UNC5C: variants seen among roughly 807,000 people sequenced by gnomAD.
UNC5C encodes netrin receptor UNC5C.
Under a neutral mutation model 99.8 loss-of-function variants are expected in UNC5C, and 47 were observed. The observed-to-expected ratio is 0.47, with a 90% CI of 0.37 to 0.60. UNC5C has a LOEUF of 0.60. UNC5C is among the 20% of genes least tolerant of loss of function. UNC5C has a pLI of 0.00. For synonymous variants in UNC5C, 487 were observed against 452.2 expected (o/e 1.08, Z -0.98); for missense variants, 1,062 against 1,165.9 (o/e 0.91, Z 1.30).
chr4:95,407,398 A>T (rs1745860684), intron 1 of UNC5C, among the ~76,000 whole-genome samples: 1 of 151,996 alleles, frequency 6.6e-6, no homozygotes, highest in Admixed American at 6.6e-5. Flanking sequence ...AGTAAAAGTG[A>T]GAGGGTAGAG....
At chr4:95,520,122 T>C (rs894165197) in intron 1 of UNC5C, among the ~76,000 whole-genome samples, 3 of 152,176 alleles carry the variant, frequency 2.0e-5, no homozygotes, top group African/African-American at 7.2e-5. Flanking sequence ...TTTCCCAAGG[T>C]CACAGAGCTT....
rs556592060 is a variant in UNC5C, at chr4:95,435,797, T to C, written c.125-100166A>G. 7.2e-5 allele frequency among the ~76,000 whole-genome samples: 11 copies of C among 152,210 alleles called. No homozygotes were observed. In the South Asian group the frequency reaches 2.3e-3, roughly 32 times the overall value. Reference sequence around the variant, plus strand: ...TCTTTCAAGGTGAAGTCCATATTTATTGTAGCGTTTATATTTCTTAACCAT... The same window carrying C: ...TCTTTCAAGGTGAAGTCCATATTTACTGTAGCGTTTATATTTCTTAACCAT... On this transcript the variant is annotated intron_variant, in intron 1 of 15. Coordinates refer to ENST00000453304, the MANE Select transcript of UNC5C (RefSeq NM_003728.4).
In UNC5C at chr4:95,427,612, A is replaced by C. The variant is rs974486423; in HGVS notation, c.125-91981T>G. Among the ~76,000 whole-genome samples, 7 of 152,200 alleles carry C rather than the reference A, an allele frequency of 4.6e-5. No individual in the cohort carries two copies. In the South Asian group the frequency reaches 8.3e-4, roughly 18 times the overall value. ...CTAAAGAACATCTTTCTAGCAATAA[A>C]GTTTTTTTAAAAAATTAAGGTATGT... On this transcript the variant is annotated intron_variant, in intron 1 of 15. Transcript: ENST00000453304.
chr4:95,304,184 G>A (rs1186904968), intron 2 of UNC5C, among the ~76,000 whole-genome samples: 4 of 152,152 alleles, frequency 2.6e-5, no homozygotes, highest in Non-Finnish European at 5.9e-5. Context: ...GGCGTGACAG[G>A]ATCCTAAGGG....
Position 95,325,145 on chromosome 4 carries a change from G to C in UNC5C, c.346+10265C>G, listed in dbSNP as rs1742839677. ...AAGGTGAAACTATGGGACAAAGCTAGAAAGTTTGATTAGGAGCCAATTATA... is the reference window on the plus strand; with the variant it reads ...AAGGTGAAACTATGGGACAAAGCTACAAAGTTTGATTAGGAGCCAATTATA... On this transcript the variant is annotated intron_variant, in intron 2 of 15. Coordinates refer to ENST00000453304, the MANE Select transcript of UNC5C (RefSeq NM_003728.4). Among the ~76,000 whole-genome samples the C allele has an allele frequency of 2.6e-5, 4 of 152,288 alleles. No individual in the cohort carries two copies. In the South Asian group the frequency reaches 6.2e-4, roughly 24 times the overall value.
chr4:95,258,746 CTTTTTTTTTT>C (rs775570031), intron 4 of UNC5C, among the ~76,000 whole-genome samples: 2 of 76,054 alleles, frequency 2.6e-5, no homozygotes, highest in African/African-American at 4.3e-5. Flanking sequence ...CCATCTTATT[CTTTTTTTTTT>C]TTTTTTTTTT....
At chr4:95,232,357 T>C (rs1164533090) in intron 7 of UNC5C, among the ~76,000 whole-genome samples, 1 of 151,918 alleles carries the variant, frequency 6.6e-6, no homozygotes, top group African/African-American at 2.4e-5. Context: ...AAATAAATTA[T>C]AAATCCAAAA....
At chr4:95,425,818 T>C (rs115851086) in intron 1 of UNC5C, among the ~76,000 whole-genome samples, 2,172 of 152,358 alleles carry the variant, frequency 0.014, 53 homozygotes, top group African/African-American at 0.05. Context: ...GTCAACATTA[T>C]ATTGTGCACA....
At chr4:95,471,893 TAAG>T (rs887165902) in intron 1 of UNC5C, among the ~76,000 whole-genome samples, 5 of 151,904 alleles carry the variant, frequency 3.3e-5, no homozygotes, top group Non-Finnish European at 1.5e-5. Flanking sequence ...AAACATAGAG[TAAG>T]ACCAGCTAGG....
At chr4:95,457,830 T>C (rs1747486893) in intron 1 of UNC5C, among the ~76,000 whole-genome samples, 1 of 152,134 alleles carries the variant, frequency 6.6e-6, no homozygotes, top group Non-Finnish European at 1.5e-5. Context: ...CTGAATTCTG[T>C]CTACAACCAC....
chr4:95,346,804 G>A (rs1743789526), intron 1 of UNC5C, among the ~76,000 whole-genome samples: 1 of 151,794 alleles, frequency 6.6e-6, no homozygotes, highest in Admixed American at 6.6e-5. Context: ...CCCACAACTG[G>A]TATCATACTA....
intron 1 of UNC5C, among the ~76,000 whole-genome samples, chr4:95,512,650 T>G (rs1722109906): frequency 6.6e-6 from 1 of 152,178 alleles, no homozygotes; most frequent in Non-Finnish European, 1.5e-5. Context: ...TCCTAAAATT[T>G]ACCATCTCTG....
intron 7 of UNC5C, among the ~76,000 whole-genome samples, chr4:95,222,774 C>A (rs1279316759): frequency 6.6e-6 from 1 of 152,080 alleles, no homozygotes; most frequent in East Asian, 1.9e-4. Context: ...AAGCTGAGAC[C>A]ACCTCTCCCC....
chr4:95,301,526 G>T, intron 3 of UNC5C, 80 bp downstream of exon 3: 1 of 1,586,968 alleles, frequency 6.3e-7, no homozygotes. Context: ...TTTCTTTGGT[G>T]CTGGAGTAGT....
At chr4:95,256,023 G>T (rs543179155) in intron 4 of UNC5C, among the ~76,000 whole-genome samples, 25 of 152,088 alleles carry the variant, frequency 1.6e-4, no homozygotes, top group Middle Eastern at 6.8e-3. Context: ...CACGTGATCC[G>T]GTTACTCCCT....
intron 4 of UNC5C, among the ~76,000 whole-genome samples, chr4:95,268,510 C>G (rs7664985): frequency 0.41 from 62,133 of 152,006 alleles, 14,265 homozygotes; most frequent in Middle Eastern, 0.54. Context: ...GCATCCTTTG[C>G]CCTTCTGATA....
intron 5 of UNC5C, among the ~76,000 whole-genome samples, chr4:95,249,541 T>A (rs1370545920): frequency 1.3e-5 from 2 of 152,172 alleles, no homozygotes; most frequent in African/African-American, 4.8e-5. Context: ...TATGTAAATA[T>A]ATAGACCAGT....
chr4:95,209,463 C>A lies in UNC5C; in HGVS notation c.1734-2667G>T, dbSNP rs534713928. Reference sequence around the variant, plus strand: ...TTCTGAAATTGCACCAGGATCTCACCAACCTATGGCTTTTCTTTCTTCCTA... The same window carrying A: ...TTCTGAAATTGCACCAGGATCTCACAAACCTATGGCTTTTCTTTCTTCCTA... On this transcript the variant is annotated intron_variant, in intron 10 of 15. Coordinates refer to ENST00000453304, the MANE Select transcript of UNC5C (RefSeq NM_003728.4). 6.6e-5 allele frequency among the ~76,000 whole-genome samples: 10 copies of A among 152,294 alleles called. No homozygotes were observed. In the South Asian group the frequency reaches 2.1e-3, roughly 32 times the overall value.
intron 1 of UNC5C, among the ~76,000 whole-genome samples, chr4:95,339,947 C>A (rs191640447): frequency 6.6e-6 from 1 of 152,106 alleles, no homozygotes; most frequent in East Asian, 1.9e-4. Flanking sequence ...ACTTAATTTT[C>A]CACTTTCTAC....
Sources: allele counts gnomAD v4.1 joint callset (sites outside exome capture counted in the v4.1 genomes callset), GRCh38; gene constraint gnomAD v4.1.1; transcripts MANE v1.5; gene names NCBI Gene and HGNC (gene_info 2026-07-23, HGNC 2026-07-21).